The following AGBL1 variants were observed in gnomAD, a reference collection of about 807,000 sequenced individuals.
AGBL1 encodes AGBL carboxypeptidase 1, also known as cytosolic carboxypeptidase 4.
A neutral mutation model predicts 118.9 loss-of-function variants in AGBL1; 130 were observed. The ratio of observed to expected loss-of-function variants is 1.09; its 90% CI spans 0.95 to 1.26. The LOEUF is 1.26. Among genes scored for constraint, AGBL1 ranks in the 50% most tolerant of loss-of-function variants. The pLI is 0.00. For synonymous variants in AGBL1, 555 were observed against 478.9 expected (o/e 1.16, Z -2.08); for missense variants, 1,584 against 1,298.1 (o/e 1.22, Z -3.38).
intron 21 of AGBL1, among the ~76,000 whole-genome samples, chr15:86,670,543 G>A (rs1186393715): frequency 6.6e-6 from 1 of 150,862 alleles, no homozygotes; most frequent in Non-Finnish European, 1.5e-5. Flanking sequence ...GGCAGAGGTT[G>A]CAGTGAGCTG....
intron 21 of AGBL1, among the ~76,000 whole-genome samples, chr15:86,596,025 G>T (rs922928951): frequency 2.0e-5 from 3 of 152,108 alleles, no homozygotes. Context: ...GGGGTTGGGT[G>T]TGGTGGCTCA....
intron 17 of AGBL1, among the ~76,000 whole-genome samples, chr15:86,338,766 G>A (rs1425066154): frequency 6.6e-6 from 1 of 152,288 alleles, no homozygotes; most frequent in East Asian, 1.9e-4. Context: ...TGTAGAGACT[G>A]TTCTCAGTCA....
intron 22 of AGBL1, among the ~76,000 whole-genome samples, chr15:86,880,199 G>A (rs932225471): frequency 2.6e-5 from 4 of 152,094 alleles, no homozygotes; most frequent in African/African-American, 9.7e-5. Flanking sequence ...ACCAATAAAG[G>A]CTTTCCTTGA....
At chr15:86,113,421 A>G (rs568158503) in intron 1 of AGBL1, among the ~76,000 whole-genome samples, 54 of 150,130 alleles carry the variant, frequency 3.6e-4, no homozygotes, top group Non-Finnish European at 7.1e-4. Context: ...CCGAGTAGCT[A>G]GGATTACAGG....
intron 21 of AGBL1, among the ~76,000 whole-genome samples, chr15:86,633,293 T>C (rs1291943344): frequency 6.6e-6 from 1 of 152,314 alleles, no homozygotes; most frequent in East Asian, 1.9e-4. Flanking sequence ...TTATTACCTA[T>C]ATCATTAAGA....
chr15:86,903,970 G>C (rs1359421416), intron 22 of AGBL1, among the ~76,000 whole-genome samples: 2 of 135,066 alleles, frequency 1.5e-5, no homozygotes, highest in East Asian at 3.9e-4. Flanking sequence ...AAAAGTCTTG[G>C]CTCCCGCATG....
At chr15:86,270,968 C>T (rs533474600) in intron 14 of AGBL1, among the ~76,000 whole-genome samples, 1 of 151,578 alleles carries the variant, frequency 6.6e-6, no homozygotes, top group East Asian at 1.9e-4. Context: ...CATTCCTTGG[C>T]TGATGGCCCC....
At chr15:86,158,686 T>C (rs2077225518) in intron 4 of AGBL1, among the ~76,000 whole-genome samples, 1 of 152,238 alleles carries the variant, frequency 6.6e-6, no homozygotes, top group South Asian at 2.1e-4. Flanking sequence ...CCCAGTCTAG[T>C]TACTGCTGAG....
intron 19 of AGBL1, among the ~76,000 whole-genome samples, chr15:86,536,795 T>G (rs2083433146): frequency 6.6e-6 from 1 of 152,060 alleles, no homozygotes; most frequent in African/African-American, 2.4e-5. Context: ...TGCCCAGAGC[T>G]AGTGGAAATA....
Position 86,203,406 on chromosome 15 carries a change from T to C in AGBL1, c.489-21508T>C, listed in dbSNP as rs549580267. Among the ~76,000 whole-genome samples, 7 of 152,234 alleles carry C rather than the reference T, an allele frequency of 4.6e-5. No homozygotes were observed. In the South Asian group the frequency reaches 1.2e-3, roughly 27 times the overall value. Reference sequence around the variant, plus strand: ...TGAAAATATTTTTATAAGGCTAGTTTCTAAGGTCATTGTTTCTGAAACTGG... The same window carrying C: ...TGAAAATATTTTTATAAGGCTAGTTCCTAAGGTCATTGTTTCTGAAACTGG... On this transcript the variant is annotated intron_variant, in intron 5 of 22. Transcript: ENST00000614907.
intron 18 of AGBL1, among the ~76,000 whole-genome samples, chr15:86,439,097 G>C (rs566440159): frequency 8.5e-5 from 13 of 152,232 alleles, no homozygotes; most frequent in African/African-American, 2.4e-4. Flanking sequence ...GAAGAGTCCC[G>C]ATGAGGATGT....
chr15:86,811,393 G>T (rs907219666), intron 22 of AGBL1, among the ~76,000 whole-genome samples: 1 of 152,142 alleles, frequency 6.6e-6, no homozygotes, highest in African/African-American at 2.4e-5. Flanking sequence ...TAAGATCTGG[G>T]TCTATGGATG....
intron 17 of AGBL1, among the ~76,000 whole-genome samples, chr15:86,379,179 C>T (rs1028449141): frequency 6.6e-6 from 1 of 152,024 alleles, no homozygotes; most frequent in Non-Finnish European, 1.5e-5. Flanking sequence ...TCTCAAAGTG[C>T]TAGGATTACC....
intron 23 of AGBL1, among the ~76,000 whole-genome samples, chr15:86,987,718 C>A (rs566119988): frequency 7.2e-5 from 11 of 152,084 alleles, no homozygotes; most frequent in African/African-American, 2.2e-4. Flanking sequence ...CGGTACCATA[C>A]ATTCCTGACA....
At chr15:86,319,743 GTTTTTTTTTTTTTTTTT>G (rs139831044) in intron 17 of AGBL1, among the ~76,000 whole-genome samples, 9 of 47,230 alleles carry the variant, frequency 1.9e-4, no homozygotes, top group Non-Finnish European at 2.5e-4. Flanking sequence ...CTCTTTGGTA[GTTTTTTTTTTTTTTTTT>G]TTTTTTTTTT....
intron 22 of AGBL1, among the ~76,000 whole-genome samples, chr15:86,716,092 T>A (rs1170670435): frequency 6.6e-6 from 1 of 151,678 alleles, no homozygotes; most frequent in Non-Finnish European, 1.5e-5. Flanking sequence ...AGAAATCAGT[T>A]ATTTTCGCTA....
intron 23 of AGBL1, among the ~76,000 whole-genome samples, chr15:86,952,925 A>C (rs1269654824): frequency 1.3e-5 from 2 of 152,208 alleles, no homozygotes; most frequent in African/African-American, 4.8e-5. Context: ...GTCATTGAAT[A>C]AGGAGTTCTC....
chr15:86,751,290 T>C (rs2077847785), intron 22 of AGBL1, among the ~76,000 whole-genome samples: 1 of 152,106 alleles, frequency 6.6e-6, no homozygotes, highest in African/African-American at 2.4e-5. Context: ...GCATCTGTTA[T>C]TTTTTGACTT....
chr15:86,228,460 C>A (rs2078402170), intron 6 of AGBL1, among the ~76,000 whole-genome samples: 1 of 152,132 alleles, frequency 6.6e-6, no homozygotes, highest in Admixed American at 6.5e-5. Flanking sequence ...ATTCTCTGAT[C>A]TAAGTAAAGC....
Sources: allele counts gnomAD v4.1 joint callset (sites outside exome capture counted in the v4.1 genomes callset), GRCh38; gene constraint gnomAD v4.1.1; transcripts MANE v1.5; gene names NCBI Gene and HGNC (gene_info 2026-07-23, HGNC 2026-07-21).